The following CDH12 variants were observed in gnomAD, a reference collection of about 807,000 sequenced individuals.
CDH12 encodes the protein cadherin 12.
Under a neutral mutation model 74.1 loss-of-function variants are expected in CDH12, and 41 were observed. That is an observed-to-expected ratio of 0.55 (90% CI 0.43 to 0.72). CDH12 has a LOEUF of 0.72. Among genes scored for constraint, CDH12 ranks in the 30% least tolerant of loss-of-function variants. The pLI is 0.00. For missense variants in CDH12, 945 were observed against 977.2 expected, an observed-to-expected ratio of 0.97 and a Z score of 0.44; for synonymous variants, 399 against 355.0, an observed-to-expected ratio of 1.12 and a Z score of -1.39.
At chr5:22,485,762 T>C (rs541394870) in intron 2 of CDH12, among the ~76,000 whole-genome samples, 65 of 152,274 alleles carry the variant, frequency 4.3e-4, no homozygotes, top group African/African-American at 1.5e-3. Flanking sequence ...TTCCAAATAA[T>C]AGAGGAAAAC....
chr5:21,763,317 T>C (rs755712789), intron 12 of CDH12, among the ~76,000 whole-genome samples: 6 of 152,180 alleles, frequency 3.9e-5, no homozygotes, highest in Non-Finnish European at 8.8e-5. Flanking sequence ...ATGTGATTAG[T>C]ATGAATGAGA....
At position 21,969,088 on chromosome 5, in the gene CDH12, A is replaced by G. The variant is rs369296517; in HGVS notation, c.526+6003T>C. Among the ~76,000 whole-genome samples, 9 of 152,108 alleles carry G rather than the reference A, an allele frequency of 5.9e-5. No individual in the cohort carries two copies. The East Asian group carries it at 1.5e-3, about 26-fold the overall frequency. ...CAGCAAACCACCCTGGCACATGTTT[A>G]TCAATGTAACAAACCTGCACATCCT... On this transcript the variant is annotated intron_variant, in intron 6 of 14. Transcript: ENST00000382254.
At chr5:22,035,165 C>T (rs981592046) in intron 5 of CDH12, among the ~76,000 whole-genome samples, 3 of 151,168 alleles carry the variant, frequency 2.0e-5, no homozygotes, top group Non-Finnish European at 4.4e-5. Context: ...GCTGATATTT[C>T]AGTCCCTGTC....
At chr5:22,777,694 A>C (rs1014084246) in intron 1 of CDH12, among the ~76,000 whole-genome samples, 1 of 152,058 alleles carries the variant, frequency 6.6e-6, no homozygotes, top group South Asian at 2.1e-4. Context: ...GCAGAGGTTC[A>C]AGGAAAGGTG....
Position 22,047,575 on chromosome 5 carries a change from T to A in CDH12, c.231+30871A>T, listed in dbSNP as rs574436308. 2.0e-5 allele frequency among the ~76,000 whole-genome samples: 3 copies of A among 151,888 alleles called. No homozygotes were observed. The South Asian group carries it at 6.3e-4, about 32-fold the overall frequency. On this transcript the variant is annotated intron_variant, in intron 5 of 14. Transcript: ENST00000382254. ...AGCTATTCATCATGCATTGAGTACA[T>A]CTTTCTGCCAAGCACTCTGCTAGGT...
At chr5:22,581,919 T>C (rs1740123852) in intron 1 of CDH12, among the ~76,000 whole-genome samples, 2 of 151,834 alleles carry the variant, frequency 1.3e-5, no homozygotes, top group Admixed American at 1.3e-4. Context: ...AAGGGAAGAG[T>C]TCTAACAAGA....
intron 3 of CDH12, among the ~76,000 whole-genome samples, chr5:22,297,602 T>A (rs946909115): frequency 6.6e-6 from 1 of 152,348 alleles, no homozygotes; most frequent in South Asian, 2.1e-4. Context: ...CTTCTAAATC[T>A]AATTTACAAC....
chr5:22,477,865 G>A (rs1345907621), intron 2 of CDH12, among the ~76,000 whole-genome samples: 3 of 152,174 alleles, frequency 2.0e-5, no homozygotes, highest in Non-Finnish European at 4.4e-5. Flanking sequence ...AACATCTTAT[G>A]TCACATCCAC....
chr5:22,058,902 T>C (rs1406319029), intron 5 of CDH12, among the ~76,000 whole-genome samples: 2 of 152,140 alleles, frequency 1.3e-5, no homozygotes, highest in Non-Finnish European at 2.9e-5. Flanking sequence ...GCCAGGGTTT[T>C]AGATGGGTTC....
chr5:21,917,025 AG>A (rs1754128803), intron 6 of CDH12, among the ~76,000 whole-genome samples: 1 of 152,116 alleles, frequency 6.6e-6, no homozygotes, highest in Non-Finnish European at 1.5e-5. Flanking sequence ...GTGGTCATAG[AG>A]CTGCCTTCTG....
intron 3 of CDH12, among the ~76,000 whole-genome samples, chr5:22,310,688 T>C (rs1345288801): frequency 1.3e-5 from 2 of 152,150 alleles, no homozygotes; most frequent in Non-Finnish European, 2.9e-5. Flanking sequence ...TGAGAGCACA[T>C]TGCAGCTTAG....
intron 14 of CDH12, 93 bp downstream of exon 14, chr5:21,755,498 A>G (rs1744330417): frequency 3.6e-6 from 4 of 1,112,960 alleles, no homozygotes; most frequent in Admixed American, 2.3e-5. Context: ...ACTTGTTTAC[A>G]TGATAAATTG....
intron 3 of CDH12, among the ~76,000 whole-genome samples, chr5:22,398,064 C>CT (rs1172107186): frequency 6.6e-6 from 1 of 152,074 alleles, no homozygotes; most frequent in African/African-American, 2.4e-5. Context: ...AAGAGAGTAA[C>CT]TTAACTTGTA....
intron 1 of CDH12, among the ~76,000 whole-genome samples, chr5:22,755,962 T>G (rs1159752937): frequency 1.3e-5 from 2 of 151,832 alleles, no homozygotes; most frequent in East Asian, 1.9e-4. Flanking sequence ...TATTATAATT[T>G]TATTTATTGA....
chr5:22,189,059 C>G (rs538675324), intron 4 of CDH12, among the ~76,000 whole-genome samples: 49 of 152,146 alleles, frequency 3.2e-4, no homozygotes, highest in African/African-American at 1.1e-3. Flanking sequence ...TCTGTGAAAC[C>G]AATGTGAAAA....
At chr5:22,126,079 A>T (rs1216509755) in intron 4 of CDH12, among the ~76,000 whole-genome samples, 4 of 151,802 alleles carry the variant, frequency 2.6e-5, no homozygotes, top group Admixed American at 2.6e-4. Context: ...TGTGTAAAAC[A>T]TACCAATGCT....
At chr5:22,287,367 T>C (rs1365482120) in intron 3 of CDH12, among the ~76,000 whole-genome samples, 1 of 152,110 alleles carries the variant, frequency 6.6e-6, no homozygotes, top group Non-Finnish European at 1.5e-5. Context: ...ATAATATAAA[T>C]GTCAATTTAT....
At chr5:22,162,137 A>G (rs1580343496) in intron 4 of CDH12, among the ~76,000 whole-genome samples, 2 of 151,320 alleles carry the variant, frequency 1.3e-5, no homozygotes, top group African/African-American at 4.8e-5. Flanking sequence ...GTGGTCATAT[A>G]TAAAAATTTA....
intron 4 of CDH12, among the ~76,000 whole-genome samples, chr5:22,155,734 T>C (rs1747983355): frequency 6.6e-6 from 1 of 152,148 alleles, no homozygotes; most frequent in African/African-American, 2.4e-5. Context: ...ATAAGTCATA[T>C]GTTTAAGGAA....
Sources: gnomAD v4.1 joint callset for allele counts (sites outside exome capture counted in the v4.1 genomes callset) on GRCh38, gnomAD v4.1.1 for gene constraint, MANE v1.5 for transcripts, NCBI Gene and HGNC (gene_info 2026-07-23, HGNC 2026-07-21) for gene names.